Variants in SPOP observed in about 807,000 individuals in gnomAD.
SPOP encodes speckle type BTB/POZ protein.
In SPOP, 11 loss-of-function variants were observed where a neutral mutation model predicts 45.6. The observed-to-expected ratio is 0.24, with a 90% CI of 0.15 to 0.40. The LOEUF is 0.40. Ranked by LOEUF, SPOP falls within the 10% of genes least tolerant of loss-of-function variation. The pLI, the probability that SPOP is intolerant of heterozygous loss-of-function variation, is 1.00. For synonymous variants in SPOP, 166 were observed against 166.3 expected, an observed-to-expected ratio of 1.00 and a Z score of 0.01; for missense variants, 152 against 465.6, an observed-to-expected ratio of 0.33 and a Z score of 6.20.
At chr17:49,668,901 C>T (rs1291207259) in intron 1 of SPOP, among the ~76,000 whole-genome samples, 9 of 151,828 alleles carry the variant, frequency 5.9e-5, no homozygotes, top group Non-Finnish European at 1.5e-5. Context: ...CTCAGCCTCC[C>T]GAGTAGCTGG....
At chr17:49,640,338 G>C (rs1305452524) in intron 1 of SPOP, among the ~76,000 whole-genome samples, 1 of 152,004 alleles carries the variant, frequency 6.6e-6, no homozygotes, top group South Asian at 2.1e-4. Context: ...ATATAAGTGT[G>C]AGTACATCTT....
At position 49,661,347 on chromosome 17, in the gene SPOP, CTCT is replaced by C. The variant is rs149175975; in HGVS notation, c.-67+16583_-67+16585del. On this transcript the variant is annotated intron_variant, in intron 1 of 9. Transcript: ENST00000504102. ...CATCTTCTGCTTCAGCCATGCTATGCTCTTCATCATTTTCAGTACACACCCTAT... is the reference window on the plus strand; with the variant it reads ...CATCTTCTGCTTCAGCCATGCTATGCTCATCATTTTCAGTACACACCCTAT... 8.6e-3 allele frequency among the ~76,000 whole-genome samples: 1,312 copies of C among 152,266 alleles called. 20 individuals carry two copies. Among genetic ancestry groups the C allele is most frequent in the African/African-American group, 0.03 (1,236 of 41,552 alleles).
chr17:49,632,498 T>C (rs960732014), intron 1 of SPOP, among the ~76,000 whole-genome samples: 1 of 151,760 alleles, frequency 6.6e-6, no homozygotes, highest in Non-Finnish European at 1.5e-5. Flanking sequence ...AATTCTTCTT[T>C]TTTTTTTTTT....
rs747886533 is a variant in SPOP, at chr17:49,619,566, T to A, written c.201-181A>T. Among the ~76,000 whole-genome samples, 3 of 152,138 alleles carry A rather than the reference T, an allele frequency of 2.0e-5. No individual in the cohort carries two copies. The highest frequency in any genetic ancestry group is 4.4e-5 in the Non-Finnish European group (3 of 68,018). On this transcript the variant is annotated intron_variant, in intron 3 of 9. Transcript: ENST00000504102. The surrounding 1 kb of genome is among the most constrained non-coding windows in gnomAD (Gnocchi z 4.9). ...CTTTTTTTTTGAGACATGGTCTTAC[T>A]CTATCGTCCAGGCTGGAGTGCAGTG...
intron 8 of SPOP, among the ~76,000 whole-genome samples, chr17:49,606,594 A>G (rs2071855423): frequency 6.8e-6 from 1 of 147,260 alleles, no homozygotes; most frequent in African/African-American, 2.5e-5. Flanking sequence ...CCTGGGTTCA[A>G]GCGATCCTCT....
intron 5 of SPOP, among the ~76,000 whole-genome samples, chr17:49,613,807 G>T (rs1413052641): frequency 1.3e-5 from 2 of 152,144 alleles, no homozygotes; most frequent in African/African-American, 4.8e-5. Context: ...TTTTAACTTA[G>T]AAAGGGATTG....
At chr17:49,640,032 TTG>T (rs1345891514) in intron 1 of SPOP, among the ~76,000 whole-genome samples, 2 of 152,154 alleles carry the variant, frequency 1.3e-5, no homozygotes, top group African/African-American at 4.8e-5. Context: ...GGAGGATCAC[TTG>T]AGATCAGGAG....
Position 49,619,173 on chromosome 17 carries a change from G to T in SPOP, c.352+61C>A, listed in dbSNP as rs956003410. On this transcript the variant is annotated intron_variant, in intron 4 of 9. Transcript: ENST00000504102. This position sits in a 1 kb window ranked among gnomAD's most constrained non-coding sequence, Gnocchi z 4.9. ...AAAAACCAGATCAAAGCCACAACTTGTCAGTGTATGAAACTTCTGGATGTG... is the reference window on the plus strand; with the variant it reads ...AAAAACCAGATCAAAGCCACAACTTTTCAGTGTATGAAACTTCTGGATGTG... 2 of 1,613,664 alleles carry T rather than the reference G, an allele frequency of 1.2e-6. No homozygotes were observed. Among genetic ancestry groups the T allele is most frequent in the African/African-American group, 1.3e-5 (1 of 74,956 alleles).
chr17:49,640,521 G>A (rs1203637287), intron 1 of SPOP, among the ~76,000 whole-genome samples: 4 of 151,994 alleles, frequency 2.6e-5, no homozygotes, highest in Non-Finnish European at 5.9e-5. Flanking sequence ...CTAATATAAA[G>A]GTTTAAATCT....
intron 1 of SPOP, among the ~76,000 whole-genome samples, chr17:49,666,157 T>A (rs1038650002): frequency 6.6e-6 from 1 of 151,858 alleles, no homozygotes; most frequent in African/African-American, 2.4e-5. Flanking sequence ...ATACAAACTC[T>A]CATATATATG....
rs2072173194 is a variant in SPOP, at chr17:49,619,488, C to T, written c.201-103G>A. ...AGATGTTTAAAAAACAAATGCAGGC[C>T]CCATAGAAGAATATAATTCAGTAGA... On this transcript the variant is annotated intron_variant, in intron 3 of 9. Coordinates refer to ENST00000504102, the MANE Select transcript of SPOP (RefSeq NM_001007228.2). The surrounding 1 kb of genome is among the most constrained non-coding windows in gnomAD (Gnocchi z 4.9). 1 of 1,265,866 alleles carries T rather than the reference C, an allele frequency of 7.9e-7. No individual in the cohort carries two copies. The highest frequency in any genetic ancestry group is 1.5e-5 in the African/African-American group (1 of 66,154). The allele number at this position is 1,265,866 out of a possible 1,614,324, so 78.4% of individuals were successfully genotyped here. A position where few individuals can be genotyped will look rare whatever the true frequency, so the allele number is the denominator to read the frequency against.
At chr17:49,614,602 T>C (rs1410655378) in intron 5 of SPOP, among the ~76,000 whole-genome samples, 2 of 152,190 alleles carry the variant, frequency 1.3e-5, no homozygotes, top group African/African-American at 4.8e-5. Flanking sequence ...GTGGGTTTAG[T>C]ATATTCTCAT....
chr17:49,645,705 T>C (rs543300918), intron 1 of SPOP, among the ~76,000 whole-genome samples: 11 of 152,318 alleles, frequency 7.2e-5, no homozygotes, highest in South Asian at 6.2e-4. Context: ...TAAGAACCAA[T>C]CTCTCTTTTA....
chr17:49,644,748 A>G (rs1349326569), intron 1 of SPOP, among the ~76,000 whole-genome samples: 1 of 152,206 alleles, frequency 6.6e-6, no homozygotes, highest in African/African-American at 2.4e-5. Flanking sequence ...ATACATATGC[A>G]CATATATACT....
chr17:49,663,558 C>A (rs576863411), intron 1 of SPOP, among the ~76,000 whole-genome samples: 1 of 152,310 alleles, frequency 6.6e-6, no homozygotes, highest in Non-Finnish European at 1.5e-5. Context: ...TTAATTAAAT[C>A]TAAACCCTTG....
intron 1 of SPOP, among the ~76,000 whole-genome samples, chr17:49,655,960 G>A (rs566839398): frequency 1.8e-4 from 27 of 152,108 alleles, no homozygotes; most frequent in African/African-American, 6.0e-4. Flanking sequence ...ACAGGCATGC[G>A]CCACCATGCC....
chr17:49,627,603 A>C (rs1457883527), intron 1 of SPOP, among the ~76,000 whole-genome samples: 1 of 152,248 alleles, frequency 6.6e-6, no homozygotes, highest in East Asian at 1.9e-4. Flanking sequence ...AGGTTAAAAA[A>C]ACTTCAAACT....
chr17:49,622,664 A>C, intron 2 of SPOP, 69 bp downstream of exon 2: 3 of 1,360,146 alleles, frequency 2.2e-6, no homozygotes, highest in Non-Finnish European at 3.2e-6. Context: ...GTAGAAAAGC[A>C]ATCCTACTCC....
intron 1 of SPOP, among the ~76,000 whole-genome samples, chr17:49,657,348 G>A (rs1347346728): frequency 6.6e-6 from 1 of 152,004 alleles, no homozygotes; most frequent in African/African-American, 2.4e-5. Flanking sequence ...AAATCCTAAG[G>A]AATCAATATG....
Sources: gnomAD v4.1 joint callset for allele counts (sites outside exome capture counted in the v4.1 genomes callset) on GRCh38, gnomAD v4.1.1 for gene constraint, Gnocchi (gnomAD v3.1) non-coding constraint, MANE v1.5 for transcripts, NCBI Gene and HGNC (gene_info 2026-07-23, HGNC 2026-07-21) for gene names.